DNAH17: variants seen among roughly 807,000 people sequenced by gnomAD.
DNAH17 encodes the protein dynein axonemal heavy chain 17.
A neutral mutation model predicts 485.6 loss-of-function variants in DNAH17; 376 were observed. The ratio of observed to expected loss-of-function variants is 0.77; its 90% CI spans 0.71 to 0.84. The LOEUF is 0.84. DNAH17 is among the 40% of genes least tolerant of loss of function. The pLI, the probability that DNAH17 is intolerant of heterozygous loss-of-function variation, is 0.00. For missense variants in DNAH17, 6,370 were observed against 5,839.3 expected (o/e 1.09, Z -2.96); for synonymous variants, 3,031 against 2,405.9 (o/e 1.26, Z -7.60).
intron 62 of DNAH17, 43 bp from the exon 63 acceptor site, chr17:78,455,879 AG>A (rs778833945): frequency 6.7e-7 from 1 of 1,502,132 alleles, no homozygotes; most frequent in Admixed American, 2.1e-5. Flanking sequence ...TGCACAAGTG[AG>A]GGGACTGGAC....
intron 49 of DNAH17, 42 bp downstream of exon 49, chr17:78,480,642 G>T (rs870964): frequency 6.5e-7 from 1 of 1,543,674 alleles, no homozygotes; most frequent in South Asian, 1.1e-5. Flanking sequence ...GCAAGCCTCA[G>T]ACTCATGGCA....
intron 74 of DNAH17, among the ~76,000 whole-genome samples, chr17:78,437,156 C>G (rs563949574): frequency 4.5e-4 from 69 of 152,202 alleles, no homozygotes; most frequent in African/African-American, 1.5e-3. Flanking sequence ...GGGCTGAAGG[C>G]AAGGAAACCT....
Position 78,425,568 on chromosome 17 carries a change from G to T in DNAH17, c.12919C>A (p.Leu4307Ile), listed in dbSNP as rs982991546. ...GCAAAGTCTGTCGTCCAGGCCTCGA[G>T]TTCCTGCAAGGACACACGAGCCGCT... ...YADLLLRIRE[L>I]EAWTTDFALP... Residue 4307 changes from leucine to isoleucine, a missense_variant, in exon 80 of 81, where the codon CTC (leucine) becomes ATC (isoleucine). Coordinates refer to ENST00000389840, the MANE Select transcript of DNAH17 (RefSeq NM_173628.4). 4.4e-6 allele frequency: 7 copies of T among 1,605,808 alleles called. No homozygotes were observed. In the African/African-American group the frequency reaches 6.7e-5, roughly 15 times the overall value.
chr17:78,538,224 C>T (rs1051028705), intron 18 of DNAH17, among the ~76,000 whole-genome samples: 6 of 151,444 alleles, frequency 4.0e-5, no homozygotes, highest in Admixed American at 3.9e-4. Flanking sequence ...ATCACTGACA[C>T]ACAAAGCAGG....
chr17:78,483,631 G>A (rs2089448181), intron 48 of DNAH17, among the ~76,000 whole-genome samples: 1 of 76,612 alleles, frequency 1.3e-5, no homozygotes, highest in Admixed American at 1.7e-4. Context: ...ACTCTGTCTT[G>A]GAAATAATAA....
intron 47 of DNAH17, 198 bp from the exon 48 acceptor site, chr17:78,485,231 A>T: frequency 1.4e-6 from 1 of 706,504 alleles, no homozygotes; most frequent in Non-Finnish European, 2.3e-6. Flanking sequence ...GAGCGATCAG[A>T]GGCGAGGGTG....
intron 15 of DNAH17, 149 bp from the exon 16 acceptor site, chr17:78,551,787 C>T (rs962820101): frequency 1.5e-6 from 1 of 668,634 alleles, no homozygotes; most frequent in East Asian, 2.7e-5. Context: ...CATGGTGAAA[C>T]CCCATCTCTA....
chr17:78,524,999 C>T lies in DNAH17; in HGVS notation c.3864+10G>A. The stretch of plus-strand genomic sequence containing the variant: ...CCGGGCCCCACCCACGCGGCGTGCC[C>T]TGCACTCACCACAACAACCATGTCC... On this transcript the variant is annotated intron_variant, in intron 25 of 80. Coordinates refer to ENST00000389840, the MANE Select transcript of DNAH17 (RefSeq NM_173628.4). The T allele has an allele frequency of 1.9e-6, 3 of 1,610,230 alleles. No individual in the cohort carries two copies. The highest frequency in any genetic ancestry group is 2.5e-6 in the Non-Finnish European group (3 of 1,177,302).
chr17:78,572,952 C>T lies in DNAH17; in HGVS notation c.346-58G>A, dbSNP rs1239441388. The T allele has an allele frequency of 5.9e-6, 9 of 1,515,596 alleles. No homozygotes were observed. In the Middle Eastern group the frequency reaches 5.7e-4, roughly 97 times the overall value. The allele number at this position is 1,515,596 out of a possible 1,614,324, so 93.9% of individuals were successfully genotyped here. A position where few individuals can be genotyped will look rare whatever the true frequency, so the allele number is the denominator to read the frequency against. Reference sequence around the variant, plus strand: ...TGTGCCTTCACCAGCTCGGCAACCGCACAGAGCCAGGTCCCCGGGGGGTTC... The same window carrying T: ...TGTGCCTTCACCAGCTCGGCAACCGTACAGAGCCAGGTCCCCGGGGGGTTC... On this transcript the variant is annotated intron_variant, in intron 2 of 80. Coordinates refer to ENST00000389840, the MANE Select transcript of DNAH17 (RefSeq NM_173628.4).
intron 30 of DNAH17, 95 bp downstream of exon 30, chr17:78,506,625 A>G (rs1598609491): frequency 5.1e-6 from 8 of 1,565,980 alleles, no homozygotes; most frequent in Non-Finnish European, 6.9e-6. Flanking sequence ...GTCCAAGGAC[A>G]CTTACCCCAC....
In DNAH17 at chr17:78,506,838, A is replaced by G. The variant is rs201673746; in HGVS notation, c.4685T>C (p.Ile1562Thr). 144 of 1,613,840 alleles carry G rather than the reference A, an allele frequency of 8.9e-5. No homozygotes were observed. Among genetic ancestry groups the G allele is most frequent in the Middle Eastern group, 1.6e-4 (1 of 6,084 alleles). The change falls in exon 30 of 81, where the codon ATC becomes ACC. Residue 1562 changes from isoleucine to threonine, a missense_variant. Transcript: ENST00000389840. Reference sequence around the variant, plus strand: ...ATACTCTGCCAAAGCCTTTTCACAGATGGCCAAGCTGGGAGGAAGGAAGGA... The same window carrying G: ...ATACTCTGCCAAAGCCTTTTCACAGGTGGCCAAGCTGGGAGGAAGGAAGGA... ...KLEALKKSLA[I>T]CEKALAEYLE...
At position 78,502,614 on chromosome 17, in the gene DNAH17, T is replaced by C. The variant is rs1446354469; in HGVS notation, c.5167A>G (p.Ile1723Val). 3 of 1,613,220 alleles carry C rather than the reference T, an allele frequency of 1.9e-6. No individual in the cohort carries two copies. Among genetic ancestry groups the C allele is most frequent in the Non-Finnish European group, 2.5e-6 (3 of 1,179,782 alleles). The change falls in exon 33 of 81, where the codon ATC becomes GTC. Residue 1723 changes from isoleucine to valine, a missense_variant. By Grantham distance (29) the Ile-to-Val change is conservative. Coordinates refer to ENST00000389840, the MANE Select transcript of DNAH17 (RefSeq NM_173628.4). ...ARLEEGYENA[I>V]RDYNKKQISQ... ...ACCTGCTTTTTGTTATAATCTCTGA[T>C]AGCGTTTTCATAGCCTTCCTCCAGC...
chr17:78,542,114 A>AC (rs1555688836), intron 17 of DNAH17, among the ~76,000 whole-genome samples: 19 of 41,722 alleles, frequency 4.6e-4, no homozygotes, highest in African/African-American at 3.1e-3. Flanking sequence ...CCCACTGGAA[A>AC]CCGCCCCCCC....
intron 22 of DNAH17, among the ~76,000 whole-genome samples, chr17:78,527,690 T>C (rs1398626079): frequency 1.3e-5 from 2 of 152,208 alleles, no homozygotes; most frequent in Non-Finnish European, 2.9e-5. Flanking sequence ...AATGTTGTCA[T>C]TTCCAGAATG....
At chr17:78,460,826 G>A (rs930107365) in intron 58 of DNAH17, among the ~76,000 whole-genome samples, 4 of 152,132 alleles carry the variant, frequency 2.6e-5, no homozygotes, top group African/African-American at 9.7e-5. Flanking sequence ...ACGTCTCAGA[G>A]TGTATAGCTC....
intron 19 of DNAH17, among the ~76,000 whole-genome samples, chr17:78,535,394 C>T (rs2091348236): frequency 6.6e-6 from 1 of 152,208 alleles, no homozygotes; most frequent in Non-Finnish European, 1.5e-5. Context: ...CTCACACGCC[C>T]ACTCCTCTCA....
intron 65 of DNAH17, among the ~76,000 whole-genome samples, chr17:78,452,825 T>C (rs1266489444): frequency 6.6e-6 from 1 of 152,054 alleles, no homozygotes; most frequent in African/African-American, 2.4e-5. Context: ...ATGTCCAGAA[T>C]AGGCAAATCC....
chr17:78,475,853 G>C lies in DNAH17; in HGVS notation c.8155-20C>G, dbSNP rs763949632. 9 of 1,604,378 alleles carry C rather than the reference G, an allele frequency of 5.6e-6. No individual in the cohort carries two copies. Among genetic ancestry groups the C allele is most frequent in the South Asian group, 1.1e-5 (1 of 89,322 alleles). On this transcript the variant is annotated intron_variant, in intron 52 of 80. Transcript: ENST00000389840. ...AAGATCCTAGAAAAAGAAAAAAAAA[G>C]ACGATACTTCCGGTTTTTGCCACCA...
rs779330949 is a variant in DNAH17, at chr17:78,423,972, G to T, written c.13323C>A (p.Asn4441Lys). ...IRGPTYVWTF[N>K]LKTKEKAAKW... ...TCGCTGCCTTCTCTTTGGTCTTCAA[G>T]TTAAAGGTCCAGACATAGGTGGGGC... The change falls in exon 81 of 81, where the codon AAC (asparagine) becomes AAA (lysine). Residue 4441 changes from asparagine to lysine, a missense_variant. Physicochemically the swap from Asn to Lys is moderately conservative, Grantham distance 94. Coordinates refer to ENST00000389840, the MANE Select transcript of DNAH17 (RefSeq NM_173628.4). The T allele has an allele frequency of 1.9e-6, 3 of 1,614,066 alleles. No homozygotes were observed. In the Admixed American group the frequency reaches 5.0e-5, roughly 27 times the overall value.
Sources: gnomAD v4.1 joint callset for allele counts (sites outside exome capture counted in the v4.1 genomes callset) on GRCh38, gnomAD v4.1.1 for gene constraint, MANE v1.5 for transcripts, NCBI Gene and HGNC (gene_info 2026-07-23, HGNC 2026-07-21) for gene names.